Variants in PITPNM2 observed in about 807,000 individuals in gnomAD.
PITPNM2 encodes membrane-associated phosphatidylinositol transfer protein 2.
Under a neutral mutation model 132.2 loss-of-function variants are expected in PITPNM2, and 35 were observed. That is an observed-to-expected ratio of 0.26 (90% CI 0.20 to 0.35). The LOEUF (loss-of-function observed/expected upper bound fraction) is 0.35. Among genes scored for constraint, PITPNM2 ranks in the 10% least tolerant of loss-of-function variants. The pLI is 1.00. For synonymous variants in PITPNM2, 738 were observed against 799.2 expected (o/e 0.92, Z 1.29); for missense variants, 1,332 against 1,912.0 (o/e 0.70, Z 5.66).
rs61496220 is a variant in PITPNM2, at chr12:123,018,026, TCCTTCCTTCCTC to T, written c.79-3996_79-3985del. 6.6e-3 allele frequency among the ~76,000 whole-genome samples: 889 copies of T among 133,830 alleles called. 18 individuals are homozygous for T. Among genetic ancestry groups the T allele is most frequent in the African/African-American group, 0.026 (801 of 30,492 alleles). 87.8% of individuals were successfully genotyped at this position (133,830 alleles called of 152,430 possible). A position where few individuals can be genotyped will look rare whatever the true frequency, so the allele number is the denominator to read the frequency against. On this transcript the variant is annotated intron_variant, in intron 3 of 25. Coordinates refer to ENST00000320201, the MANE Select transcript of PITPNM2 (RefSeq NM_020845.3). ...TTCCTTCCTTCCTTCCTTCCTTCCT[TCCTTCCTTCCTC>T]CCTCCCTCCCTCCCTCTTTTCTCTC...
rs1473567947 is a variant in PITPNM2 at position 122,986,526 on chromosome 12, C to T, written c.3636G>A (p.Lys1212=). The T allele has an allele frequency of 6.3e-7, 1 of 1,599,132 alleles. No individual in the cohort carries two copies. Among genetic ancestry groups the T allele is most frequent in the Non-Finnish European group, 8.5e-7 (1 of 1,171,760 alleles). ...TAATGGCGCTGTACACCGCCACGTC[C>T]TTGGTGGAGCCATAGGCCGCGTGCA... The part of the protein sequence containing the change: ...LRVHAAYGST[K]DVAVYSAISL... Residue 1212 remains lysine, a synonymous_variant, in exon 25 of 26, where the codon AAG becomes AAA. Coordinates refer to ENST00000320201, the MANE Select transcript of PITPNM2 (RefSeq NM_020845.3).
chr12:123,005,657 G>T lies in PITPNM2; in HGVS notation c.644-109C>A. ...AGGGGCTTTGGGAGGCTGTACCCAT[G>T]TTGCAGGTCAAACTAAAGTCACTGC... On this transcript the variant is annotated intron_variant, in intron 6 of 25. Coordinates refer to ENST00000320201, the MANE Select transcript of PITPNM2 (RefSeq NM_020845.3). This position sits in a 1 kb window ranked among gnomAD's most constrained non-coding sequence, Gnocchi z 6.2. 8.9e-7 allele frequency: 1 copy of T among 1,125,722 alleles called. No homozygotes were observed. The highest frequency in any genetic ancestry group is 1.3e-6 in the Non-Finnish European group (1 of 790,782). The allele number at this position is 1,125,722 out of a possible 1,614,324, so 69.7% of individuals were successfully genotyped here.
At chr12:123,063,409 G>A (rs1221774113) in intron 2 of PITPNM2, among the ~76,000 whole-genome samples, 2 of 152,232 alleles carry the variant, frequency 1.3e-5, no homozygotes, top group South Asian at 2.1e-4. Context: ...CTTGGTGAGA[G>A]GCACACAGGA....
At chr12:123,014,112 G>T in intron 3 of PITPNM2, 70 bp from the exon 4 acceptor site, 1 of 1,527,982 alleles carries the variant, frequency 6.5e-7, no homozygotes, top group Non-Finnish European at 9.0e-7. Flanking sequence ...GGGCACAGGA[G>T]ACTGGGCCCA....
intron 1 of PITPNM2, among the ~76,000 whole-genome samples, chr12:123,137,518 C>G (rs1438072568): frequency 6.6e-6 from 1 of 152,186 alleles, no homozygotes; most frequent in Non-Finnish European, 1.5e-5. Flanking sequence ...ACCCTCCCAG[C>G]CAGTCTCTCT....
chr12:123,000,967 C>A lies in PITPNM2; in HGVS notation c.1153+87G>T. On this transcript the variant is annotated intron_variant, in intron 9 of 25. Transcript: ENST00000320201. This position sits in a 1 kb window ranked among gnomAD's most constrained non-coding sequence, Gnocchi z 5.4. ...GTCCCCAACTCACATGTATGCCCAG[C>A]ACTGTGCAGAAGCTGGTCAGAAAGG... 3.9e-6 allele frequency: 6 copies of A among 1,528,544 alleles called. No individual in the cohort carries two copies. Among genetic ancestry groups the A allele is most frequent in the Non-Finnish European group, 4.5e-6 (5 of 1,103,242 alleles). 94.7% of individuals were successfully genotyped at this position (1,528,544 alleles called of 1,614,324 possible).
At chr12:123,011,925 G>T (rs1253300285) in intron 5 of PITPNM2, among the ~76,000 whole-genome samples, 4 of 152,140 alleles carry the variant, frequency 2.6e-5, no homozygotes, top group African/African-American at 9.7e-5. Context: ...CCCAGCAGAG[G>T]TGGGGGGGTT....
intron 14 of PITPNM2, 44 bp from the exon 15 acceptor site, chr12:122,995,023 C>T: frequency 6.6e-7 from 1 of 1,514,310 alleles, no homozygotes; most frequent in Non-Finnish European, 8.9e-7. Context: ...GGTGCAGCTG[C>T]CATCATCTGC....
Position 123,034,554 on chromosome 12 carries a change from T to A in PITPNM2, c.37A>T (p.Thr13Ser). ...IKEYRIPLPMTVEEYRIAQLY... is the reference protein window; with the variant it reads ...IKEYRIPLPMSVEEYRIAQLY... ...TGGGCGATGCGGTACTCCTCCACGG[T>A]CATTGGCAGAGGAATCCGATATTCC... is the stretch of plus-strand genomic sequence containing the variant. Residue 13 changes from threonine (T) to serine (S), a missense_variant, in exon 3 of 26, where the codon ACC becomes TCC. By Grantham distance (58) the Thr-to-Ser change is moderately conservative. Around this residue, in one of 6 missense-constraint regions of PITPNM2, gnomAD observed 83 missense variants for 118.7 expected, o/e 0.70. Coordinates refer to ENST00000320201, the MANE Select transcript of PITPNM2 (RefSeq NM_020845.3). 6.2e-7 allele frequency: 1 copy of A among 1,614,108 alleles called. No homozygotes were observed.
At chr12:123,024,152 C>T (rs2039770478) in intron 3 of PITPNM2, among the ~76,000 whole-genome samples, 3 of 152,166 alleles carry the variant, frequency 2.0e-5, no homozygotes, top group Non-Finnish European at 4.4e-5. Context: ...AAAGATTATA[C>T]AAATGGTCAA....
intron 3 of PITPNM2, among the ~76,000 whole-genome samples, chr12:123,025,536 C>T (rs998017969): frequency 6.6e-6 from 1 of 151,542 alleles, no homozygotes; most frequent in East Asian, 1.9e-4. Context: ...CGGGTTCAAG[C>T]GATTCCCTGC....
intron 2 of PITPNM2, among the ~76,000 whole-genome samples, chr12:123,076,941 G>C (rs1031689837): frequency 2.6e-5 from 4 of 152,204 alleles, no homozygotes; most frequent in Non-Finnish European, 5.9e-5. Flanking sequence ...AGGAAGCAGA[G>C]GTCACGGTGG....
At chr12:123,044,263 A>C (rs1274194080) in intron 2 of PITPNM2, among the ~76,000 whole-genome samples, 1 of 152,144 alleles carries the variant, frequency 6.6e-6, no homozygotes, top group African/African-American at 2.4e-5. Context: ...CCACCATTTC[A>C]GCAGCAGCAC....
At chr12:123,143,406 C>G (rs1359905520) in intron 1 of PITPNM2, among the ~76,000 whole-genome samples, 1 of 152,196 alleles carries the variant, frequency 6.6e-6, no homozygotes, top group African/African-American at 2.4e-5. Context: ...AGGCCCTCCC[C>G]AGGAGCCACC....
rs1186835671 is a variant in PITPNM2 at position 123,031,090 on chromosome 12, A to C, written c.78+3423T>G. Among the ~76,000 whole-genome samples the C allele has an allele frequency of 6.6e-6, 1 of 152,256 alleles. No homozygotes were observed. The highest frequency in any genetic ancestry group is 1.9e-4 in the East Asian group (1 of 5,204). On this transcript the variant is annotated intron_variant, in intron 3 of 25. Coordinates refer to ENST00000320201, the MANE Select transcript of PITPNM2 (RefSeq NM_020845.3). The surrounding 1 kb of genome is among the most constrained non-coding windows in gnomAD (Gnocchi z 4.5). ...GGTGGTTGCACAACATTGTGAGTAT[A>C]CTAAATGCCACTGAATTGTTCACTT...
chr12:123,001,030 TGCA>T, intron 9 of PITPNM2, 21 bp downstream of exon 9: 1 of 1,605,242 alleles, frequency 6.2e-7, no homozygotes, highest in Non-Finnish European at 8.5e-7. Context: ...CCCCAGGCTC[TGCA>T]GCACCCCCAG....
At chr12:123,133,819 C>CAT (rs1335536301) in intron 1 of PITPNM2, among the ~76,000 whole-genome samples, 1 of 129,610 alleles carries the variant, frequency 7.7e-6, no homozygotes, top group Non-Finnish European at 1.8e-5. Context: ...CACACAGACA[C>CAT]ACACACGCTC....
chr12:123,136,321 CA>C (rs1212054038), intron 1 of PITPNM2, among the ~76,000 whole-genome samples: 6 of 151,882 alleles, frequency 4.0e-5, no homozygotes, highest in African/African-American at 1.5e-4. Context: ...AAATTAAACT[CA>C]TTTATCAAAA....
At chr12:123,070,550 G>A (rs940021933) in intron 2 of PITPNM2, among the ~76,000 whole-genome samples, 2 of 152,174 alleles carry the variant, frequency 1.3e-5, no homozygotes, top group African/African-American at 2.4e-5. Flanking sequence ...CATGACACAC[G>A]CTGAGTCTGG....
Sources: gnomAD v4.1 joint callset for allele counts (sites outside exome capture counted in the v4.1 genomes callset) on GRCh38, gnomAD v4.1.1 for gene constraint, gnomAD v4.1.1 regional missense constraint, Gnocchi (gnomAD v3.1) non-coding constraint, MANE v1.5 for transcripts, NCBI Gene and HGNC (gene_info 2026-07-23, HGNC 2026-07-21) for gene names.